KLC1: variants seen among roughly 807,000 people sequenced by gnomAD.
KLC1 encodes the protein kinesin light chain 1.
Under a neutral mutation model 84.2 loss-of-function variants are expected in KLC1, and 30 were observed. The ratio of observed to expected loss-of-function variants is 0.36; its 90% CI spans 0.27 to 0.48. The LOEUF (loss-of-function observed/expected upper bound fraction) is 0.48, where lower values mean the gene tolerates loss of function less well. KLC1 is among the 20% of genes least tolerant of loss of function. The probability of loss-of-function intolerance (pLI) is 0.99; values close to 1 mark genes in which losing one functional copy is unlikely to be tolerated. For missense variants in KLC1, 499 were observed against 805.4 expected (o/e 0.62, Z 4.60); for synonymous variants, 289 against 293.3 (o/e 0.99, Z 0.15).
chr14:103,666,726 A>C (rs2079871290), intron 5 of KLC1, among the ~76,000 whole-genome samples: 1 of 147,640 alleles, frequency 6.8e-6, no homozygotes, highest in African/African-American at 2.5e-5. Flanking sequence ...GGCCTCCCAA[A>C]GTGCTGGGAT....
chr14:103,695,960 AT>A, intron 15 of KLC1: 2 of 985,298 alleles, frequency 2.0e-6, no homozygotes, highest in Non-Finnish European at 2.4e-6. Context: ...GGCGGTCTGA[AT>A]TTTTCCCTTC....
In KLC1 at chr14:103,681,981, C is replaced by T. The variant is rs546794957; in HGVS notation, c.1650+2436C>T. On this transcript the variant is annotated intron_variant, in intron 13 of 16. Coordinates refer to ENST00000334553, the MANE Select transcript of KLC1 (RefSeq NM_001394837.1). ...ATTTCCCTGAGATTGCAAAGCAAAC[C>T]GTTACCACTGTAGCCACTTACTTGT... Among the ~76,000 whole-genome samples, 7 of 152,236 alleles carry T rather than the reference C, an allele frequency of 4.6e-5. No individual in the cohort carries two copies. In the East Asian group the frequency reaches 5.8e-4, roughly 13 times the overall value.
chr14:103,688,906 A>G (rs1277342081), intron 14 of KLC1, among the ~76,000 whole-genome samples: 1 of 152,234 alleles, frequency 6.6e-6, no homozygotes, highest in Admixed American at 6.5e-5. Flanking sequence ...GGGGAAATGG[A>G]TTTTAAATTG....
Position 103,693,874 on chromosome 14 carries a change from G to A in KLC1, c.1848+1449G>A. The A allele has an allele frequency of 7.4e-7, 1 of 1,354,004 alleles. No individual in the cohort carries two copies. Among genetic ancestry groups the A allele is most frequent in the Non-Finnish European group, 9.5e-7 (1 of 1,054,948 alleles). The allele number at this position is 1,354,004 out of a possible 1,614,324, so 83.9% of individuals were successfully genotyped here. A position where few individuals can be genotyped will look rare whatever the true frequency, so the allele number is the denominator to read the frequency against. ...GCCAGGCTGGCTCAGGGAGGCCGAGGTGGCGCTGAGGTGGCTTCAGCACGC... is the reference window on the plus strand; with the variant it reads ...GCCAGGCTGGCTCAGGGAGGCCGAGATGGCGCTGAGGTGGCTTCAGCACGC... On this transcript the variant is annotated intron_variant, in intron 15 of 16. Coordinates refer to ENST00000334553, the MANE Select transcript of KLC1 (RefSeq NM_001394837.1). The surrounding 1 kb of genome is among the most constrained non-coding windows in gnomAD (Gnocchi z 5.1).
At chr14:103,651,759 C>T (rs1202365628) in intron 1 of KLC1, among the ~76,000 whole-genome samples, 2 of 152,158 alleles carry the variant, frequency 1.3e-5, no homozygotes, top group South Asian at 2.1e-4. Context: ...TGCCTCAGCT[C>T]CCCTTTGCTG....
intron 9 of KLC1, 56 bp from the exon 10 acceptor site, chr14:103,675,496 A>C (rs1233096397): frequency 6.7e-7 from 1 of 1,493,386 alleles, no homozygotes; most frequent in Non-Finnish European, 9.2e-7. Context: ...AGCAGTTCAG[A>C]TTTTGGAGTT....
At chr14:103,688,645 G>A (rs919596959) in intron 14 of KLC1, among the ~76,000 whole-genome samples, 9 of 151,990 alleles carry the variant, frequency 5.9e-5, no homozygotes, top group East Asian at 3.9e-4. Context: ...AGTCTCTGTC[G>A]TGGATGGAGA....
At position 103,687,134 on chromosome 14, in the gene KLC1, C is replaced by T; in HGVS notation, c.1704C>T (p.Ser568=). ...GTTCCTTTAGCAAACTCCGGGCTTC[C>T]ATTAGACGCAGCAGTGAGAAGCTGG... ...RSGSFSKLRA[S]IRRSSEKLVR... Residue 568 remains serine (S), a synonymous_variant, in exon 14 of 17, where the codon TCC becomes TCT. Transcript: ENST00000334553. 1 of 1,548,664 alleles carries T rather than the reference C, an allele frequency of 6.5e-7. No individual in the cohort carries two copies. Among genetic ancestry groups the T allele is most frequent in the Non-Finnish European group, 8.7e-7 (1 of 1,144,694 alleles).
chr14:103,677,475 T>C lies in KLC1; in HGVS notation c.1440T>C (p.Phe480=), dbSNP rs1311515510. The change falls in exon 12 of 17, where the codon TTT becomes TTC. Residue 480 remains phenylalanine, a synonymous_variant. Coordinates refer to ENST00000334553, the MANE Select transcript of KLC1 (RefSeq NM_001394837.1). ...LGALYRRQGK[F]EAAETLEEAA... The stretch of plus-strand genomic sequence containing the variant: ...CACTTTACAGACGTCAAGGCAAATT[T>C]GAAGCTGCAGAAACGTTAGAAGAAG... 4 of 1,614,106 alleles carry C rather than the reference T, an allele frequency of 2.5e-6. No individual in the cohort carries two copies. Among genetic ancestry groups the C allele is most frequent in the Non-Finnish European group, 3.4e-6 (4 of 1,179,988 alleles).
At position 103,693,669 on chromosome 14, in the gene KLC1, C is replaced by G; in HGVS notation, c.1848+1244C>G. 1 of 1,528,588 alleles carries G rather than the reference C, an allele frequency of 6.5e-7. No individual in the cohort carries two copies. Among genetic ancestry groups the G allele is most frequent in the Non-Finnish European group, 8.8e-7 (1 of 1,142,546 alleles). 94.7% of individuals were successfully genotyped at this position (1,528,588 alleles called of 1,614,324 possible). Reference sequence around the variant, plus strand: ...CTTGGGAGTGTGAGACCGCCCCGCCCTGCCACGCCCCTCACCGCCCTGCCC... The same window carrying G: ...CTTGGGAGTGTGAGACCGCCCCGCCGTGCCACGCCCCTCACCGCCCTGCCC... On this transcript the variant is annotated intron_variant, in intron 15 of 16. Transcript: ENST00000334553. The surrounding 1 kb of genome is among the most constrained non-coding windows in gnomAD (Gnocchi z 5.1).
intron 1 of KLC1, among the ~76,000 whole-genome samples, chr14:103,640,814 A>G (rs1021439490): frequency 2.0e-5 from 3 of 152,230 alleles, no homozygotes; most frequent in Non-Finnish European, 4.4e-5. Context: ...GATAGTACAG[A>G]GAGTTCCCAC....
chr14:103,692,031 A>G (rs2082154130), intron 14 of KLC1, among the ~76,000 whole-genome samples: 1 of 152,166 alleles, frequency 6.6e-6, no homozygotes, highest in South Asian at 2.1e-4. Context: ...TGGCCTTCCA[A>G]AGCATTGGGA....
At chr14:103,646,417 C>G (rs928346514) in intron 1 of KLC1, among the ~76,000 whole-genome samples, 2 of 152,178 alleles carry the variant, frequency 1.3e-5, no homozygotes, top group African/African-American at 4.8e-5. Flanking sequence ...CTTCCCACTT[C>G]AGCCTCTCAA....
At chr14:103,696,090 GCGCCCCCGCCCCC>G (rs1349664217) in intron 15 of KLC1, 100 of 773,520 alleles carry the variant, frequency 1.3e-4, no homozygotes, top group Middle Eastern at 1.3e-3. Flanking sequence ...AATAATCACT[GCGCCCCCGCCCCC>G]CGCCCCCCCC....
At chr14:103,657,797 T>C in intron 3 of KLC1, 21 bp downstream of exon 3, 2 of 1,554,470 alleles carry the variant, frequency 1.3e-6, no homozygotes, top group Non-Finnish European at 8.9e-7. Context: ...CTGTAGCAAA[T>C]GTGGTGCTAA....
At chr14:103,660,804 A>G (rs2079215375) in intron 3 of KLC1, among the ~76,000 whole-genome samples, 1 of 139,768 alleles carries the variant, frequency 7.2e-6, no homozygotes, top group Non-Finnish European at 1.6e-5. Flanking sequence ...AAAACAAGCA[A>G]TAAATAAATA....
intron 1 of KLC1, among the ~76,000 whole-genome samples, chr14:103,632,810 C>A (rs919556554): frequency 6.6e-6 from 1 of 152,106 alleles, no homozygotes; most frequent in African/African-American, 2.4e-5. Flanking sequence ...AGGTTAAAGG[C>A]TGTGGAGTGC....
chr14:103,687,968 TC>T (rs1217686397), intron 14 of KLC1: 4 of 152,218 alleles, frequency 2.6e-5, no homozygotes, highest in African/African-American at 9.6e-5. Flanking sequence ...AACTCTGACT[TC>T]CTAAATGGTG....
At chr14:103,666,527 TAATAGTCCCA>T (rs530218773) in intron 5 of KLC1, among the ~76,000 whole-genome samples, 112 of 152,282 alleles carry the variant, frequency 7.4e-4, no homozygotes, top group African/African-American at 2.6e-3. Flanking sequence ...CACTGCTAAC[TAATAGTCCCA>T]GACATTTTAT....
Sources: allele counts gnomAD v4.1 joint callset (sites outside exome capture counted in the v4.1 genomes callset), GRCh38; gene constraint gnomAD v4.1.1; non-coding constraint Gnocchi (gnomAD v3.1); transcripts MANE v1.5; gene names NCBI Gene and HGNC (gene_info 2026-07-23, HGNC 2026-07-21).